TP63: variants seen among roughly 807,000 people sequenced by gnomAD.
TP63 encodes the protein tumor protein p63, also known as tumor protein 63.
In TP63, 17 loss-of-function variants were observed where a neutral mutation model predicts 82.8. The ratio of observed to expected loss-of-function variants is 0.21; its 90% CI spans 0.14 to 0.31. The LOEUF (loss-of-function observed/expected upper bound fraction) is 0.31. Ranked by LOEUF, TP63 falls within the 10% of genes least tolerant of loss-of-function variation. The pLI, the probability that TP63 is intolerant of heterozygous loss-of-function variation, is 1.00. For synonymous variants in TP63, 330 were observed against 321.7 expected, an observed-to-expected ratio of 1.03 and a Z score of -0.28; for missense variants, 648 against 895.3, an observed-to-expected ratio of 0.72 and a Z score of 3.52.
In TP63 at chr3:189,793,765, T is replaced by C. The variant is rs530814393; in HGVS notation, c.325-14507T>C. 7.9e-5 allele frequency among the ~76,000 whole-genome samples: 12 copies of C among 152,176 alleles called. No homozygotes were observed. The East Asian group carries it at 1.9e-3, about 25-fold the overall frequency. On this transcript the variant is annotated intron_variant, in intron 3 of 13. Transcript: ENST00000264731. ...AAAAGATACTTCTGTGAAAAACAAC[T>C]TGATGATTTCCATAATTTATAAGTT...
intron 1 of TP63, among the ~76,000 whole-genome samples, chr3:189,636,768 A>G (rs191543176): frequency 2.2e-4 from 34 of 152,262 alleles, no homozygotes; most frequent in Non-Finnish European, 4.3e-4. Flanking sequence ...AGTGATGGTC[A>G]TAGTGGTAGT....
intron 3 of TP63, among the ~76,000 whole-genome samples, chr3:189,805,818 CG>C (rs1726824343): frequency 1.3e-5 from 2 of 152,170 alleles, no homozygotes; most frequent in African/African-American, 4.8e-5. Context: ...ACAGAGTCAC[CG>C]TATACTTTGA....
At chr3:189,745,536 A>G (rs2108512835) in intron 3 of TP63, among the ~76,000 whole-genome samples, 2 of 151,850 alleles carry the variant, frequency 1.3e-5, no homozygotes, top group East Asian at 3.9e-4. Context: ...GTGAAACCCC[A>G]TCTCTCCTAA....
chr3:189,634,954 A>G (rs1560074079), intron 1 of TP63, among the ~76,000 whole-genome samples: 1 of 152,002 alleles, frequency 6.6e-6, no homozygotes, highest in Non-Finnish European at 1.5e-5. Flanking sequence ...TGCAAAATTT[A>G]TTTTTTAACA....
At chr3:189,743,927 C>T (rs1385730515) in intron 3 of TP63, among the ~76,000 whole-genome samples, 1 of 152,104 alleles carries the variant, frequency 6.6e-6, no homozygotes, top group Non-Finnish European at 1.5e-5. Context: ...GGCCCTGAGA[C>T]TAACATAAGG....
chr3:189,677,309 ATATT>A (rs1715493770), intron 1 of TP63, among the ~76,000 whole-genome samples: 1 of 80,516 alleles, frequency 1.2e-5, no homozygotes, highest in Admixed American at 1.5e-4. Context: ...TGTTTTATAT[ATATT>A]CTATATACAC....
intron 1 of TP63, among the ~76,000 whole-genome samples, chr3:189,646,930 C>T (rs1414319074): frequency 6.8e-6 from 1 of 147,080 alleles, no homozygotes; most frequent in Non-Finnish European, 1.5e-5. Context: ...TAGGCTTTTC[C>T]AGTCATAAGA....
At position 189,868,716 on chromosome 3, in the gene TP63, C is replaced by T. The variant is rs576449010; in HGVS notation, c.1129C>T (p.Pro377Ser). Reference sequence around the variant, plus strand: ...AAAGAACGGTGATGGTACGAAGCGCCGTAAGTAGATGTAGTGGCCAAATGG... The same window carrying T: ...AAAGAACGGTGATGGTACGAAGCGCTGTAAGTAGATGTAGTGGCCAAATGG... Reference protein sequence around the residue: ...STKNGDGTKRPFRQNTHGIQM... With the variant: ...STKNGDGTKRSFRQNTHGIQM... Residue 377 changes from proline to serine, a missense_variant and splice_region_variant, in exon 8 of 14, where the codon CCG (proline) becomes TCG (serine). Pro to Ser is a moderately conservative substitution (Grantham distance 74). This residue lies in a region of TP63 where 342 missense variants were observed against 425.7 expected (regional missense o/e 0.80). Coordinates refer to ENST00000264731, the MANE Select transcript of TP63 (RefSeq NM_003722.5). 1.4e-5 allele frequency: 23 copies of T among 1,613,828 alleles called. No homozygotes were observed. In the East Asian group the frequency reaches 1.6e-4, roughly 11 times the overall value.
At chr3:189,759,939 T>C (rs1401942876) in intron 3 of TP63, among the ~76,000 whole-genome samples, 1 of 152,222 alleles carries the variant, frequency 6.6e-6, no homozygotes, top group African/African-American at 2.4e-5. Flanking sequence ...CTTATGTGGA[T>C]GGCAGCAGGC....
intron 10 of TP63, among the ~76,000 whole-genome samples, chr3:189,879,015 G>C (rs752645095): frequency 6.6e-6 from 1 of 152,192 alleles, no homozygotes; most frequent in African/African-American, 2.4e-5. Context: ...AAAACTCAAT[G>C]ATTAATTAAA....
intron 3 of TP63, among the ~76,000 whole-genome samples, chr3:189,773,915 C>CTTTTTTTTTTTTT (rs57761830): frequency 1.4e-5 from 1 of 72,892 alleles, no homozygotes; most frequent in Non-Finnish European, 2.4e-5. Context: ...TGTCTCGTGC[C>CTTTTTTTTTTTTT]TTTTTTTTTT....
intron 3 of TP63, among the ~76,000 whole-genome samples, chr3:189,771,399 T>C (rs1351818744): frequency 7.2e-6 from 1 of 138,626 alleles, no homozygotes; most frequent in African/African-American, 2.7e-5. Context: ...ATATTAAATA[T>C]ATAAGTATAT....
Position 189,694,351 on chromosome 3 carries a change from A to T in TP63, c.63-43389A>T, listed in dbSNP as rs1717178053. ...TATTTTTAACTAAAGTTCATGCTTT[A>T]TTCAATTTTTCTTTGTTTCACCTAA... On this transcript the variant is annotated intron_variant, in intron 1 of 13. Coordinates refer to ENST00000264731, the MANE Select transcript of TP63 (RefSeq NM_003722.5). 2.0e-5 allele frequency among the ~76,000 whole-genome samples: 3 copies of T among 152,182 alleles called. No individual in the cohort carries two copies. In the South Asian group the frequency reaches 6.2e-4, roughly 32 times the overall value.
At chr3:189,767,815 A>G (rs1442665082) in intron 3 of TP63, among the ~76,000 whole-genome samples, 1 of 152,194 alleles carries the variant, frequency 6.6e-6, no homozygotes, top group African/African-American at 2.4e-5. Context: ...TTGTACAGAG[A>G]CAAAAGAGCT....
At chr3:189,879,246 C>T (rs1719635853) in intron 10 of TP63, among the ~76,000 whole-genome samples, 1 of 152,148 alleles carries the variant, frequency 6.6e-6, no homozygotes, top group South Asian at 2.1e-4. Context: ...AAAGGCATAG[C>T]CAAATGTGAT....
At chr3:189,619,722 TA>T in the TP63 span, among the ~76,000 whole-genome samples, 4 of 152,180 alleles carry the variant, frequency 2.6e-5, no homozygotes, top group East Asian at 5.8e-4. Flanking sequence ...GTTCCCACCA[TA>T]ACTGCCAAAA....
chr3:189,864,505 T>A, intron 5 of TP63, 87 bp downstream of exon 5: 1 of 1,370,796 alleles, frequency 7.3e-7, no homozygotes, highest in Non-Finnish European at 9.8e-7. Context: ...ACCTACCTGA[T>A]TCAGACTTCT....
At chr3:189,762,443 C>T (rs991176774) in intron 3 of TP63, among the ~76,000 whole-genome samples, 2 of 151,836 alleles carry the variant, frequency 1.3e-5, no homozygotes, top group African/African-American at 4.8e-5. Context: ...GTCCTCAGGC[C>T]CAAAGGTATA....
At chr3:189,765,433 C>CTTTGTTTTTTTTTTTTTTTTTT (rs1722871140) in intron 3 of TP63, among the ~76,000 whole-genome samples, 2 of 30,084 alleles carry the variant, frequency 6.6e-5, no homozygotes, top group Non-Finnish European at 5.9e-5. Flanking sequence ...CTGTCCTCTG[C>CTTTGTTTTTTTTTTTTTTTTTT]TTTTTTTTTT....
Sources: allele counts gnomAD v4.1 joint callset (sites outside exome capture counted in the v4.1 genomes callset), GRCh38; gene constraint gnomAD v4.1.1; regional missense constraint gnomAD v4.1.1; transcripts MANE v1.5; gene names NCBI Gene and HGNC (gene_info 2026-07-23, HGNC 2026-07-21).